The following SH3D19 variants were observed in gnomAD, a reference collection of about 807,000 sequenced individuals.
The protein encoded by SH3D19 is SH3 domain-containing protein 19.
In SH3D19, 58 loss-of-function variants were observed where a neutral mutation model predicts 112.1. The ratio of observed to expected loss-of-function variants is 0.52; its 90% CI spans 0.42 to 0.64. The LOEUF is 0.64. SH3D19 is among the 30% of genes least tolerant of loss of function. The pLI is 0.00. For synonymous variants in SH3D19, 391 were observed against 448.5 expected, an observed-to-expected ratio of 0.87 and a Z score of 1.62; for missense variants, 1,090 against 1,263.4, an observed-to-expected ratio of 0.86 and a Z score of 2.08.
chr4:151,226,344 T>C, intron 1 of SH3D19: 1 of 1,134,444 alleles, frequency 8.8e-7, no homozygotes, highest in Non-Finnish European at 1.1e-6. Flanking sequence ...TATTTCATTT[T>C]ATAAGATCTT....
intron 1 of SH3D19, among the ~76,000 whole-genome samples, chr4:151,295,723 A>C (rs1310412204): frequency 2.0e-5 from 3 of 152,180 alleles, no homozygotes; most frequent in Admixed American, 2.0e-4. Context: ...TATCTAAAAA[A>C]CACATTAAAA....
Position 151,165,678 on chromosome 4 carries a change from G to T in SH3D19, c.1553C>A (p.Ala518Glu), listed in dbSNP as rs755524706. The change falls in exon 8 of 20, where the codon GCA (alanine) becomes GAA (glutamate). Residue 518 changes from alanine to glutamate, a missense_variant. By Grantham distance (107) the Ala-to-Glu change is moderately radical (BLOSUM62 -1). Coordinates refer to ENST00000604030, the MANE Select transcript of SH3D19 (RefSeq NM_001378122.1). ...EMVLDPFQLP[A>E]KTEPIKERAV... Reference sequence around the variant, plus strand: ...TCGTTCTTTTATTGGTTCTGTTTTTGCAGGGAGCTGAAAGGGATCTAATGA... The same window carrying T: ...TCGTTCTTTTATTGGTTCTGTTTTTTCAGGGAGCTGAAAGGGATCTAATGA... 3 of 1,613,992 alleles carry T rather than the reference G, an allele frequency of 1.9e-6. No homozygotes were observed. In the South Asian group the frequency reaches 3.3e-5, roughly 18 times the overall value.
chr4:151,277,353 A>C (rs150532925), intron 1 of SH3D19: 57 of 592,080 alleles, frequency 9.6e-5, no homozygotes, highest in African/African-American at 8.7e-4. Context: ...GAAGGTCCTG[A>C]GAGGCTACTA....
intron 1 of SH3D19, chr4:151,300,525 C>T (rs145486154): frequency 1.3e-5 from 2 of 150,180 alleles, no homozygotes; most frequent in African/African-American, 4.9e-5. Context: ...CATGTGCTCA[C>T]GTCAGCAACA....
At chr4:151,280,054 T>C (rs886798001) in intron 1 of SH3D19, 17 of 873,798 alleles carry the variant, frequency 1.9e-5, no homozygotes, top group Middle Eastern at 3.8e-4. Context: ...AGTGGTAAAA[T>C]AGGCAGGGCG....
chr4:151,157,427 T>TAAAA (rs34435866), intron 9 of SH3D19, among the ~76,000 whole-genome samples: 2 of 146,448 alleles, frequency 1.4e-5, no homozygotes, highest in Admixed American at 6.8e-5. Context: ...ATCTAAAAGA[T>TAAAA]AAAAAAAAAA....
chr4:151,246,025 C>A (rs1770919172), intron 1 of SH3D19, among the ~76,000 whole-genome samples: 1 of 147,592 alleles, frequency 6.8e-6, no homozygotes, highest in African/African-American at 2.5e-5. Flanking sequence ...GACTTTATAA[C>A]CCCATTGAAG....
intron 9 of SH3D19, among the ~76,000 whole-genome samples, chr4:151,156,566 A>G (rs1245165115): frequency 1.3e-5 from 2 of 152,200 alleles, no homozygotes; most frequent in African/African-American, 4.8e-5. Context: ...AAGAACAGTC[A>G]TTGGGGAAAG....
chr4:151,133,759 T>C (rs1383197458), intron 15 of SH3D19, among the ~76,000 whole-genome samples: 2 of 152,212 alleles, frequency 1.3e-5, no homozygotes, highest in East Asian at 1.9e-4. Context: ...AACAGAAACT[T>C]GGCATATCAT....
chr4:151,173,660 T>A (rs1023402975), intron 7 of SH3D19, among the ~76,000 whole-genome samples: 10 of 152,236 alleles, frequency 6.6e-5, no homozygotes, highest in African/African-American at 2.2e-4. Context: ...TAAAATGTTG[T>A]GTGTCAGTTA....
intron 10 of SH3D19, 117 bp from the exon 11 acceptor site, chr4:151,148,303 C>G: frequency 9.6e-7 from 1 of 1,042,366 alleles, no homozygotes; most frequent in Non-Finnish European, 1.4e-6. Context: ...ACACAGCTTT[C>G]TGCTAGTGGA....
rs556476518 is a variant in SH3D19, at chr4:151,256,121, G to A, written c.113-30035C>T. ...GTTTGTAATTGTCTATATATAAATTGTATACTTTAATATCATATCAACTTC... is the reference window on the plus strand; with the variant it reads ...GTTTGTAATTGTCTATATATAAATTATATACTTTAATATCATATCAACTTC... On this transcript the variant is annotated intron_variant, in intron 1 of 19. Transcript: ENST00000604030. Among the ~76,000 whole-genome samples, 111 of 151,892 alleles carry A rather than the reference G, an allele frequency of 7.3e-4. 1 individual carries two copies. Among genetic ancestry groups the A allele is most frequent in the African/African-American group, 1.8e-3 (76 of 41,420 alleles).
chr4:151,279,044 T>C (rs1246684486), intron 1 of SH3D19: 1 of 380,836 alleles, frequency 2.6e-6, no homozygotes, highest in Non-Finnish European at 5.0e-6. Flanking sequence ...GTATGTAGTG[T>C]GCTGTTGTCA....
At chr4:151,188,192 G>T (rs1428129094) in intron 2 of SH3D19, among the ~76,000 whole-genome samples, 1 of 152,134 alleles carries the variant, frequency 6.6e-6, no homozygotes, top group African/African-American at 2.4e-5. Context: ...TATTATAGGA[G>T]CAAAAAATTG....
chr4:151,217,829 T>C (rs1353946125), intron 2 of SH3D19, among the ~76,000 whole-genome samples: 2 of 152,104 alleles, frequency 1.3e-5, no homozygotes. Context: ...TTTTATGCAG[T>C]AGTTAAAAAA....
At chr4:151,200,528 A>T (rs1764243728) in intron 2 of SH3D19, among the ~76,000 whole-genome samples, 1 of 152,174 alleles carries the variant, frequency 6.6e-6, no homozygotes, top group Non-Finnish European at 1.5e-5. Context: ...ATCTCTTCCC[A>T]ATCTATCACC....
In SH3D19 at chr4:151,127,648, T is replaced by C. The variant is rs950455225; in HGVS notation, c.2997A>G (p.Arg999=). The C allele has an allele frequency of 6.2e-7, 1 of 1,606,460 alleles. No individual in the cohort carries two copies. Among genetic ancestry groups the C allele is most frequent in the Non-Finnish European group, 8.5e-7 (1 of 1,177,328 alleles). Residue 999 remains arginine, a synonymous_variant, in exon 19 of 20, where the codon CGA becomes CGG. Transcript: ENST00000604030. The part of the protein sequence containing the change: ...GRKAKALYDF[R]GENEDELSFK... ...AGGAAAGTTCATCTTCATTCTCCCC[T>C]CGGAAATCATATAAGGCTTTGGCCT...
At chr4:151,246,041 CAA>C (rs34182905) in intron 1 of SH3D19, among the ~76,000 whole-genome samples, 16 of 75,584 alleles carry the variant, frequency 2.1e-4, no homozygotes, top group Admixed American at 4.2e-4. Flanking sequence ...TGAAGACATA[CAA>C]AAAAAAAAAA....
At chr4:151,220,834 C>T (rs764564353) in intron 2 of SH3D19, among the ~76,000 whole-genome samples, 6 of 152,138 alleles carry the variant, frequency 3.9e-5, no homozygotes, top group Non-Finnish European at 7.3e-5. Flanking sequence ...CTCACCATTT[C>T]ATAAACTTTT....
Sources: allele counts gnomAD v4.1 joint callset (sites outside exome capture counted in the v4.1 genomes callset), GRCh38; gene constraint gnomAD v4.1.1; transcripts MANE v1.5; gene names NCBI Gene and HGNC (gene_info 2026-07-23, HGNC 2026-07-21).